Variants in SGSM3 observed in about 807,000 individuals in gnomAD.
The protein encoded by SGSM3 is small G protein signaling modulator 3.
A neutral mutation model predicts 100.5 loss-of-function variants in SGSM3; 96 were observed. That is an observed-to-expected ratio of 0.96 (90% CI 0.81 to 1.13). SGSM3 has a LOEUF of 1.13. Ranked by LOEUF, SGSM3 falls within the 50% of genes most tolerant of loss-of-function variation. The pLI, the probability that SGSM3 is intolerant of heterozygous loss-of-function variation, is 0.00. For synonymous variants in SGSM3, 483 were observed against 422.8 expected (o/e 1.14, Z -1.75); for missense variants, 1,001 against 1,015.8 (o/e 0.99, Z 0.20).
At chr22:40,404,809 A>C (rs1322920084) in intron 6 of SGSM3, 145 bp downstream of exon 6, 3 of 677,586 alleles carry the variant, frequency 4.4e-6, no homozygotes, top group Non-Finnish European at 5.0e-6. Flanking sequence ...TGCAGGCCAA[A>C]GAAAGAATTG....
At chr22:40,374,478 T>C (rs918189229) in intron 1 of SGSM3, among the ~76,000 whole-genome samples, 5 of 152,226 alleles carry the variant, frequency 3.3e-5, no homozygotes, top group African/African-American at 1.2e-4. Context: ...TGAGCTACAA[T>C]TTCTTCTTTG....
intron 1 of SGSM3, among the ~76,000 whole-genome samples, chr22:40,398,711 T>C (rs2050358820): frequency 7.1e-6 from 1 of 140,498 alleles, no homozygotes; most frequent in Non-Finnish European, 1.5e-5. Flanking sequence ...ATGAGGAGGG[T>C]CCATATATTA....
At chr22:40,399,384 C>T (rs905394908) in intron 1 of SGSM3, among the ~76,000 whole-genome samples, 2 of 152,242 alleles carry the variant, frequency 1.3e-5, no homozygotes, top group African/African-American at 4.8e-5. Context: ...CATTTGCCAT[C>T]TCAGGCTCCA....
chr22:40,404,384 G>T lies in SGSM3; in HGVS notation c.295G>T (p.Val99Phe). 1.2e-6 allele frequency: 2 copies of T among 1,608,510 alleles called. No homozygotes were observed. Among genetic ancestry groups the T allele is most frequent in the Non-Finnish European group, 1.7e-6 (2 of 1,177,056 alleles). ...VGDLTWDKIA[V>F]SLPRSEKLRS... is the part of the protein sequence containing the mutation. ...GGATCTCACCTGGGACAAGATTGCC[G>T]TCTCCCTACCCCGCTCTGAGAAGCT... is the stretch of plus-strand genomic sequence containing the variant. The change falls in exon 5 of 22, where the codon GTC becomes TTC. Residue 99 changes from valine (V) to phenylalanine (F), a missense_variant. Coordinates refer to ENST00000248929, the MANE Select transcript of SGSM3 (RefSeq NM_015705.6).
At chr22:40,395,657 C>T (rs1051669634) in intron 1 of SGSM3, among the ~76,000 whole-genome samples, 1 of 152,084 alleles carries the variant, frequency 6.6e-6, no homozygotes, top group Non-Finnish European at 1.5e-5. Flanking sequence ...AACTTCCCCC[C>T]TCCCCAAACC....
chr22:40,390,818 A>G (rs1450795690), intron 1 of SGSM3, among the ~76,000 whole-genome samples: 3 of 152,134 alleles, frequency 2.0e-5, no homozygotes, highest in African/African-American at 7.2e-5. Context: ...GGTAAAGAGG[A>G]GGGCATTATG....
intron 1 of SGSM3, among the ~76,000 whole-genome samples, chr22:40,400,474 C>T (rs768455744): frequency 3.9e-5 from 6 of 151,918 alleles, no homozygotes; most frequent in Non-Finnish European, 7.4e-5. Flanking sequence ...GAAACCCCGT[C>T]TCTACTAAAA....
Position 40,409,732 on chromosome 22 carries a change from C to T in SGSM3, c.2223C>T (p.His741=), listed in dbSNP as rs1367211851. Residue 741 remains histidine, a synonymous_variant, in exon 22 of 22, where the codon CAC becomes CAT. Coordinates refer to ENST00000248929, the MANE Select transcript of SGSM3 (RefSeq NM_015705.6). ...TCCGGGACATGCTGGTGAAGCACCA[C>T]CTCTTCAGCTGGGATGTGGACGGGT... is the stretch of plus-strand genomic sequence containing the variant. ...EGVRDMLVKH[H]LFSWDVDG The T allele has an allele frequency of 3.1e-6, 5 of 1,611,210 alleles. No homozygotes were observed. The highest frequency in any genetic ancestry group is 1.3e-5 in the African/African-American group (1 of 74,922).
In SGSM3 at chr22:40,375,631, C is replaced by G. The variant is rs569102535; in HGVS notation, c.-112+4943C>G. ...CCCAATTCAGTGTCAAAAGTCTTAT[C>G]TTGGAAAGGGTATAATTTCCAATTA... is the stretch of plus-strand genomic sequence containing the variant. On this transcript the variant is annotated intron_variant, in intron 1 of 21. Transcript: ENST00000248929. Among the ~76,000 whole-genome samples the G allele has an allele frequency of 1.1e-4, 16 of 150,254 alleles. No individual in the cohort carries two copies. In the South Asian group the frequency reaches 3.4e-3, roughly 32 times the overall value.
intron 1 of SGSM3, among the ~76,000 whole-genome samples, chr22:40,398,125 G>A (rs576370044): frequency 6.6e-5 from 10 of 151,858 alleles, no homozygotes; most frequent in Non-Finnish European, 1.5e-4. Context: ...ACGCCACCAC[G>A]CCCAGCTAAT....
intron 14 of SGSM3, 68 bp from the exon 15 acceptor site, chr22:40,408,003 C>T: frequency 6.5e-7 from 1 of 1,530,354 alleles, no homozygotes; most frequent in Non-Finnish European, 9.0e-7. Flanking sequence ...CTCAGCCTGC[C>T]TGCAGGCTGT....
intron 1 of SGSM3, among the ~76,000 whole-genome samples, chr22:40,397,968 CTTTT>C (rs1157147821): frequency 8.6e-6 from 1 of 116,436 alleles, no homozygotes; most frequent in African/African-American, 3.6e-5. Flanking sequence ...CCAATTCTGT[CTTTT>C]TTTTTTTTTT....
At chr22:40,400,994 T>C (rs538939098) in intron 2 of SGSM3, among the ~76,000 whole-genome samples, 181 bp downstream of exon 2, 1 of 152,250 alleles carries the variant, frequency 6.6e-6, no homozygotes, top group East Asian at 1.9e-4. Context: ...GCTCTCTAGC[T>C]CTCCTCCTCC....
chr22:40,409,808 G>A lies in SGSM3; in HGVS notation c.*49G>A, dbSNP rs1160093303. The stretch of plus-strand genomic sequence containing the variant: ...CGGGCCTGCGTCTGAGGTGGCCCAG[G>A]ACCCCAAGCTGCAGAGCCCAGGGAA... On this transcript the variant is annotated 3_prime_UTR_variant, in exon 22 of 22. Coordinates refer to ENST00000248929, the MANE Select transcript of SGSM3 (RefSeq NM_015705.6). 6.3e-7 allele frequency: 1 copy of A among 1,583,636 alleles called. No individual in the cohort carries two copies. The highest frequency in any genetic ancestry group is 2.2e-5 in the East Asian group (1 of 44,570).
rs2146697801 is a variant in SGSM3, at chr22:40,371,122, C to T, written c.-112+434C>T. On this transcript the variant is annotated intron_variant, in intron 1 of 21. Transcript: ENST00000248929. Reference sequence around the variant, plus strand: ...AACTTGCGGTTTTCCCTTTAAGATTCAGATCCAGGTGCAGAACCCGGGCTC... The same window carrying T: ...AACTTGCGGTTTTCCCTTTAAGATTTAGATCCAGGTGCAGAACCCGGGCTC... Among the ~76,000 whole-genome samples, 3 of 152,342 alleles carry T rather than the reference C, an allele frequency of 2.0e-5. 1 individual carries two copies. In the South Asian group the frequency reaches 6.2e-4, roughly 32 times the overall value.
At chr22:40,373,548 TTAATG>T (rs757024380) in intron 1 of SGSM3, 1 of 152,194 alleles carries the variant, frequency 6.6e-6, no homozygotes, top group Non-Finnish European at 1.5e-5. Context: ...AGTTTAGAGA[TTAATG>T]AGAGAGGGTA....
Position 40,407,150 on chromosome 22 carries a change from C to G in SGSM3, c.1241-51C>G, listed in dbSNP as rs565445507. On this transcript the variant is annotated intron_variant, in intron 11 of 21. Transcript: ENST00000248929. The surrounding 1 kb of genome is among the most constrained non-coding windows in gnomAD (Gnocchi z 4.7). ...GCTCATGTGGACGTGGAGCTTCCTC[C>G]TCGGGGGCCTGGAGTGGGCTGTGGT... is the stretch of plus-strand genomic sequence containing the variant. The G allele has an allele frequency of 6.2e-7, 1 of 1,612,438 alleles. No individual in the cohort carries two copies. Among genetic ancestry groups the G allele is most frequent in the Admixed American group, 1.7e-5 (1 of 59,910 alleles).
intron 1 of SGSM3, among the ~76,000 whole-genome samples, chr22:40,382,219 C>T (rs956936288): frequency 1.3e-5 from 2 of 152,176 alleles, no homozygotes; most frequent in African/African-American, 4.8e-5. Context: ...ATTATGTTAA[C>T]AGCTACAACA....
intron 1 of SGSM3, among the ~76,000 whole-genome samples, chr22:40,392,158 T>C (rs2049432459): frequency 6.6e-6 from 1 of 152,164 alleles, no homozygotes; most frequent in African/African-American, 2.4e-5. Flanking sequence ...TTATTTCGCC[T>C]TAAAAACAAT....
Sources: gnomAD v4.1 joint callset for allele counts (sites outside exome capture counted in the v4.1 genomes callset) on GRCh38, gnomAD v4.1.1 for gene constraint, Gnocchi (gnomAD v3.1) non-coding constraint, MANE v1.5 for transcripts, NCBI Gene and HGNC (gene_info 2026-07-23, HGNC 2026-07-21) for gene names.